Variants in BLM observed in about 807,000 individuals in gnomAD.
BLM encodes the protein BLM RecQ like helicase.
In BLM, 95 loss-of-function variants were observed where a neutral mutation model predicts 135.3. That is an observed-to-expected ratio of 0.70 (90% CI 0.59 to 0.83). The LOEUF (loss-of-function observed/expected upper bound fraction) is 0.83, where lower values mean the gene tolerates loss of function less well. BLM is among the 40% of genes least tolerant of loss of function. BLM has a pLI of 0.00. For synonymous variants in BLM, 520 were observed against 589.2 expected, an observed-to-expected ratio of 0.88 and a Z score of 1.70; for missense variants, 1,518 against 1,663.9, an observed-to-expected ratio of 0.91 and a Z score of 1.53.
At position 90,749,411 on chromosome 15, in the gene BLM, C is replaced by T; in HGVS notation, c.143C>T (p.Ser48Phe). The part of the protein sequence containing the change: ...KKKTSSDNNV[S>F]VTNVSVAKTP... ...AAAACATCTTCAGATAACAATGTAT[C>T]TGTAACTAATGTGTCAGTAGCAAAA... is the stretch of plus-strand genomic sequence containing the variant. The change falls in exon 3 of 22, where the codon TCT becomes TTT. Residue 48 changes from serine to phenylalanine, a missense_variant. Physicochemically the swap from Ser to Phe is radical, Grantham distance 155. Around this residue, in one of 5 missense-constraint regions of BLM, gnomAD observed 724 missense variants for 756.9 expected, o/e 0.96. Coordinates refer to ENST00000355112, the MANE Select transcript of BLM (RefSeq NM_000057.4). The T allele has an allele frequency of 6.2e-7, 1 of 1,609,278 alleles. No homozygotes were observed. Among genetic ancestry groups the T allele is most frequent in the Non-Finnish European group, 8.5e-7 (1 of 1,175,804 alleles).
intron 1 of BLM, among the ~76,000 whole-genome samples, chr15:90,732,570 A>G: frequency 6.6e-6 from 1 of 151,868 alleles, no homozygotes; most frequent in East Asian, 1.9e-4. Flanking sequence ...ACGAAATGAA[A>G]ACACAGCATA....
chr15:90,768,824 C>G (rs1896211331), intron 10 of BLM, among the ~76,000 whole-genome samples: 1 of 152,188 alleles, frequency 6.6e-6, no homozygotes, highest in African/African-American at 2.4e-5. Flanking sequence ...CTCCCGAGTT[C>G]AAGCGATTCT....
At chr15:90,803,163 TAAA>T (rs71463769) in intron 17 of BLM, among the ~76,000 whole-genome samples, 24 of 133,930 alleles carry the variant, frequency 1.8e-4, no homozygotes, top group South Asian at 2.4e-4. Flanking sequence ...ACCCTGTCTC[TAAA>T]AAAAAAAAAA....
chr15:90,730,930 G>A (rs890967729), intron 1 of BLM, among the ~76,000 whole-genome samples: 1 of 151,416 alleles, frequency 6.6e-6, no homozygotes, highest in Non-Finnish European at 1.5e-5. Flanking sequence ...ACTTGGTCTC[G>A]GTATTTTTTA....
At chr15:90,783,974 T>C (rs1223853669) in intron 13 of BLM, among the ~76,000 whole-genome samples, 1 of 152,206 alleles carries the variant, frequency 6.6e-6, no homozygotes, top group East Asian at 1.9e-4. Context: ...ACTGTTATGT[T>C]ATTATTAATT....
chr15:90,814,546 G>A (rs574411894), intron 21 of BLM, among the ~76,000 whole-genome samples: 82 of 152,188 alleles, frequency 5.4e-4, no homozygotes, highest in African/African-American at 2.0e-3. Context: ...CTAACAGAAG[G>A]CCGCATCTGC....
intron 13 of BLM, among the ~76,000 whole-genome samples, chr15:90,783,304 A>T (rs902176196): frequency 2.0e-5 from 3 of 152,176 alleles, no homozygotes; most frequent in African/African-American, 7.2e-5. Flanking sequence ...AATTCATAGT[A>T]GTTTTCCATG....
At chr15:90,793,417 G>GGTC (rs1896955035) in intron 15 of BLM, among the ~76,000 whole-genome samples, 1 of 152,120 alleles carries the variant, frequency 6.6e-6, no homozygotes, top group African/African-American at 2.4e-5. Context: ...TTACAGGCGT[G>GGTC]AGCCACCGTA....
intron 1 of BLM, among the ~76,000 whole-genome samples, chr15:90,722,168 G>A (rs1368550614): frequency 6.6e-6 from 1 of 151,784 alleles, no homozygotes; most frequent in Non-Finnish European, 1.5e-5. Context: ...GGAGTGCAGT[G>A]GCGCAATCTT....
At chr15:90,791,355 C>T (rs1896901122) in intron 15 of BLM, among the ~76,000 whole-genome samples, 1 of 151,954 alleles carries the variant, frequency 6.6e-6, no homozygotes, top group South Asian at 2.1e-4. Context: ...TTGGTATGTA[C>T]CTTTTCCAAA....
At chr15:90,782,059 A>G (rs1896628010) in intron 12 of BLM, among the ~76,000 whole-genome samples, 1 of 152,012 alleles carries the variant, frequency 6.6e-6, no homozygotes, top group African/African-American at 2.4e-5. Flanking sequence ...TCAGTGTTCT[A>G]TTGTGTAAGC....
intron 12 of BLM, among the ~76,000 whole-genome samples, chr15:90,780,373 G>T (rs571917742): frequency 1.3e-5 from 2 of 152,022 alleles, no homozygotes; most frequent in African/African-American, 4.8e-5. Context: ...GTGAGCCACC[G>T]CGCCCGTCCA....
rs367647547 is a variant in BLM at position 90,800,004 on chromosome 15, G to T, written c.3358+1667G>T. ...TTATGACAATGTCTGTTTAAGTGTG[G>T]TGTGAAGTCTTATCTCTGTTTAAAA... On this transcript the variant is annotated intron_variant, in intron 17 of 21. Transcript: ENST00000355112. 7.2e-5 allele frequency among the ~76,000 whole-genome samples: 11 copies of T among 152,298 alleles called. No individual in the cohort carries two copies. The East Asian group carries it at 1.5e-3, about 21-fold the overall frequency.
chr15:90,773,095 CAAAAAAAAAA>C (rs780966709), intron 12 of BLM, among the ~76,000 whole-genome samples: 467 of 43,474 alleles, frequency 0.011, 3 homozygotes, highest in South Asian at 0.013. Flanking sequence ...GAGACTGTCT[CAAAAAAAAAA>C]AAAAAAAAAA....
intron 10 of BLM, 141 bp from the exon 11 acceptor site, chr15:90,768,992 C>T: frequency 1.3e-6 from 1 of 767,370 alleles, no homozygotes; most frequent in Non-Finnish European, 2.3e-6. Flanking sequence ...TCCCAAAGTG[C>T]TGGGATTACA....
At position 90,808,041 on chromosome 15, in the gene BLM, T is replaced by C. The variant is rs778491386; in HGVS notation, c.3752-1096T>C. On this transcript the variant is annotated intron_variant, in intron 19 of 21. Coordinates refer to ENST00000355112, the MANE Select transcript of BLM (RefSeq NM_000057.4). ...TGATGAAATTTGGTATTTTATGATA[T>C]GTTATTTCTAGGCGATTAGTGTAGT... 2.0e-5 allele frequency among the ~76,000 whole-genome samples: 3 copies of C among 152,242 alleles called. No homozygotes were observed. In the South Asian group the frequency reaches 6.2e-4, roughly 31 times the overall value.
At chr15:90,765,259 A>G (rs765796249) in intron 8 of BLM, 37 bp from the exon 9 acceptor site, 2 of 1,469,510 alleles carry the variant, frequency 1.4e-6, no homozygotes, top group Non-Finnish European at 1.9e-6. Flanking sequence ...CTCTGAAGAC[A>G]GAACCTGACA....
intron 21 of BLM, among the ~76,000 whole-genome samples, chr15:90,813,645 C>A (rs888858098): frequency 6.6e-6 from 1 of 152,186 alleles, no homozygotes; most frequent in Admixed American, 6.5e-5. Flanking sequence ...CACCTTGGCT[C>A]CCAAAGTGCT....
chr15:90,788,460 G>A (rs1444383881), intron 14 of BLM, among the ~76,000 whole-genome samples: 1 of 138,300 alleles, frequency 7.2e-6, no homozygotes, highest in Non-Finnish European at 1.5e-5. Flanking sequence ...TAACCCAAAT[G>A]CCAGTGTTTT....
Sources: gnomAD v4.1 joint callset for allele counts (sites outside exome capture counted in the v4.1 genomes callset) on GRCh38, gnomAD v4.1.1 for gene constraint, gnomAD v4.1.1 regional missense constraint, MANE v1.5 for transcripts, NCBI Gene and HGNC (gene_info 2026-07-23, HGNC 2026-07-21) for gene names.